Variants in RERE observed in about 807,000 individuals in gnomAD.
RERE encodes arginine-glutamic acid dipeptide repeats protein.
Under a neutral mutation model 146.1 loss-of-function variants are expected in RERE, and 40 were observed. The ratio of observed to expected loss-of-function variants is 0.27; its 90% confidence interval spans 0.21 to 0.36. The LOEUF is 0.36. Among genes scored for constraint, RERE ranks in the 10% least tolerant of loss-of-function variants. The probability of loss-of-function intolerance (pLI) is 1.00; values close to 1 mark genes in which losing one functional copy is unlikely to be tolerated. For missense variants in RERE, 1,933 were observed against 2,138.7 expected (o/e 0.90, Z 1.90); for synonymous variants, 1,003 against 866.0 (o/e 1.16, Z -2.78).
intron 4 of RERE, among the ~76,000 whole-genome samples, chr1:8,606,388 T>C (rs1473947590): frequency 1.3e-5 from 2 of 152,136 alleles, no homozygotes; most frequent in African/African-American, 4.8e-5. Flanking sequence ...GGAGGAAAGC[T>C]ATAACTAAAA....
At chr1:8,469,858 T>G (rs556729512) in intron 10 of RERE, among the ~76,000 whole-genome samples, 2 of 152,096 alleles carry the variant, frequency 1.3e-5, no homozygotes, top group Non-Finnish European at 2.9e-5. Context: ...GTTGTTCCGT[T>G]TGTTAGAGAG....
At chr1:8,441,858 T>C (rs1644253021) in intron 11 of RERE, among the ~76,000 whole-genome samples, 1 of 151,972 alleles carries the variant, frequency 6.6e-6, no homozygotes, top group African/African-American at 2.4e-5. Context: ...GCTCTAATAA[T>C]TATAATTTGA....
intron 10 of RERE, among the ~76,000 whole-genome samples, chr1:8,487,769 G>A (rs966816909): frequency 3.3e-5 from 5 of 152,080 alleles, no homozygotes; most frequent in African/African-American, 4.8e-5. Flanking sequence ...ATTTGCACAC[G>A]ACATGTTTAG....
At chr1:8,652,766 G>A (rs1013782229) in intron 2 of RERE, among the ~76,000 whole-genome samples, 31 of 152,266 alleles carry the variant, frequency 2.0e-4, no homozygotes, top group African/African-American at 7.0e-4. Flanking sequence ...ACCTAGTCCC[G>A]ACCTTGACAC....
At chr1:8,766,278 C>T (rs1239514128) in intron 1 of RERE, among the ~76,000 whole-genome samples, 2 of 151,960 alleles carry the variant, frequency 1.3e-5, no homozygotes, top group Non-Finnish European at 2.9e-5. Flanking sequence ...CAGTGGCTCA[C>T]GCCTATAATC....
At chr1:8,618,410 G>A (rs542985037) in intron 3 of RERE, among the ~76,000 whole-genome samples, 9 of 152,220 alleles carry the variant, frequency 5.9e-5, no homozygotes, top group African/African-American at 1.2e-4. Flanking sequence ...CAAAGTCCGC[G>A]CTCTGAACCT....
chr1:8,707,964 T>C (rs1639589806), intron 1 of RERE, among the ~76,000 whole-genome samples: 1 of 139,118 alleles, frequency 7.2e-6, no homozygotes, highest in Non-Finnish European at 1.5e-5. Flanking sequence ...ATAATTGTTC[T>C]TATTATTGAT....
At chr1:8,477,672 T>G (rs2124169571) in intron 10 of RERE, among the ~76,000 whole-genome samples, 1 of 152,310 alleles carries the variant, frequency 6.6e-6, no homozygotes, top group Non-Finnish European at 1.5e-5. Context: ...CAAGACCAGT[T>G]ACATCAGTAT....
intron 1 of RERE, among the ~76,000 whole-genome samples, chr1:8,805,649 CAAAA>C (rs1229860670): frequency 1.7e-5 from 1 of 60,572 alleles, no homozygotes. Context: ...GAATCCGTCT[CAAAA>C]AAAAAAAAAA....
chr1:8,777,825 G>A (rs1641096816), intron 1 of RERE, among the ~76,000 whole-genome samples: 1 of 150,634 alleles, frequency 6.6e-6, no homozygotes, highest in African/African-American at 2.4e-5. Flanking sequence ...ATGAGCCACC[G>A]TGCCCGGCCC....
chr1:8,531,102 T>TGTCC (rs1326191480), intron 7 of RERE, among the ~76,000 whole-genome samples: 1 of 151,138 alleles, frequency 6.6e-6, no homozygotes, highest in African/African-American at 2.5e-5. Flanking sequence ...TCTTTCTATC[T>TGTCC]ATCTGTCCAT....
intron 1 of RERE, among the ~76,000 whole-genome samples, chr1:8,812,025 T>G (rs1446136618): frequency 2.6e-5 from 4 of 152,166 alleles, no homozygotes; most frequent in African/African-American, 7.2e-5. Context: ...GGGTTTTTGT[T>G]CTTAGGTGAG....
intron 1 of RERE, among the ~76,000 whole-genome samples, chr1:8,811,378 A>G (rs1641803383): frequency 6.6e-6 from 1 of 152,174 alleles, no homozygotes; most frequent in Non-Finnish European, 1.5e-5. Context: ...TGGCCAAGGT[A>G]GGAGGATCAC....
intron 4 of RERE, among the ~76,000 whole-genome samples, chr1:8,562,598 C>G (rs895229429): frequency 6.6e-6 from 1 of 152,176 alleles, no homozygotes; most frequent in Non-Finnish European, 1.5e-5. Context: ...AAGTGATCCT[C>G]CCGCCTCAGC....
chr1:8,471,956 C>T (rs1185188779), intron 10 of RERE, among the ~76,000 whole-genome samples: 2 of 152,150 alleles, frequency 1.3e-5, no homozygotes, highest in Non-Finnish European at 2.9e-5. Context: ...GGACTACAGG[C>T]GCACGTCACC....
At chr1:8,661,096 G>A (rs962212440) in intron 1 of RERE, among the ~76,000 whole-genome samples, 1 of 152,060 alleles carries the variant, frequency 6.6e-6, no homozygotes, top group African/African-American at 2.4e-5. Context: ...CAGTGTTGCA[G>A]GACTGCAATT....
rs1243578231 is a variant in RERE, at chr1:8,656,096, C to T, written c.202G>A (p.Ala68Thr). ...TTATTCTTCTTCGTGGACTCCTCTG[C>T]GGTGGCACTATTGTTGTCATTGTCC... Reference protein sequence around the residue: ...DEDNDNNSATAEESTKKNKKK... With the variant: ...DEDNDNNSATTEESTKKNKKK... Residue 68 changes from alanine to threonine, a missense_variant, in exon 2 of 23, where the codon GCA becomes ACA. Ala to Thr is a moderately conservative substitution (Grantham distance 58, BLOSUM62 0). This residue lies in a region of RERE where 107 missense variants were observed against 119.7 expected (regional missense o/e 0.89). Coordinates refer to ENST00000400908, the MANE Select transcript of RERE (RefSeq NM_001042681.2). 5.6e-6 allele frequency: 9 copies of T among 1,613,928 alleles called. No homozygotes were observed. Among genetic ancestry groups the T allele is most frequent in the Admixed American group, 3.3e-5 (2 of 59,992 alleles).
chr1:8,570,680 G>C (rs192569366), intron 4 of RERE, among the ~76,000 whole-genome samples: 2 of 152,248 alleles, frequency 1.3e-5, no homozygotes, highest in East Asian at 3.9e-4. Flanking sequence ...TATGAAAACA[G>C]TTCAACCCTA....
chr1:8,649,662 G>A (rs188493813), intron 2 of RERE, among the ~76,000 whole-genome samples: 16 of 151,568 alleles, frequency 1.1e-4, no homozygotes, highest in Admixed American at 2.0e-4. Flanking sequence ...CCCAGGAGGC[G>A]GAGGTTGCAG....
Sources: allele counts gnomAD v4.1 joint callset (sites outside exome capture counted in the v4.1 genomes callset), GRCh38; gene constraint gnomAD v4.1.1; regional missense constraint gnomAD v4.1.1; transcripts MANE v1.5; gene names NCBI Gene and HGNC (gene_info 2026-07-23, HGNC 2026-07-21).